The following AKNA variants were observed in gnomAD, a reference collection of about 807,000 sequenced individuals.
The protein encoded by AKNA is AT-hook transcription factor, also known as microtubule organization protein AKNA.
AKNA carries 67 observed loss-of-function variants against 138.8 expected under a neutral mutation model. The ratio of observed to expected loss-of-function variants is 0.48; its 90% CI spans 0.40 to 0.59. The LOEUF is 0.59. Among genes scored for constraint, AKNA ranks in the 20% least tolerant of loss-of-function variants. AKNA has a pLI of 0.00. For synonymous variants in AKNA, 737 were observed against 754.4 expected (o/e 0.98, Z 0.38); for missense variants, 1,813 against 1,880.4 (o/e 0.96, Z 0.66).
At chr9:114,341,383 T>C in intron 21 of AKNA, 150 bp downstream of exon 21, 3 of 967,620 alleles carry the variant, frequency 3.1e-6, no homozygotes, top group Non-Finnish European at 4.7e-6. Flanking sequence ...AGTGACTATA[T>C]GAGTGTTGGG....
At chr9:114,378,522 G>T (rs2132068408) in intron 2 of AKNA, among the ~76,000 whole-genome samples, 1 of 152,296 alleles carries the variant, frequency 6.6e-6, no homozygotes, top group East Asian at 1.9e-4. Context: ...GCCGGTACCT[G>T]ACACTATTTG....
chr9:114,349,714 G>C (rs1164561427), intron 15 of AKNA, among the ~76,000 whole-genome samples: 1 of 152,188 alleles, frequency 6.6e-6, no homozygotes, highest in Non-Finnish European at 1.5e-5. Flanking sequence ...AGGCCCTGTA[G>C]GATCTCCCAT....
downstream of AKNA, chr9:114,332,032 G>C: frequency 1.0e-6 from 1 of 960,368 alleles, no homozygotes; most frequent in East Asian, 2.5e-5. Context: ...TGCACAGCTA[G>C]GCAGATCTTC....
At chr9:114,377,754 T>A in intron 2 of AKNA, 2 of 569,270 alleles carry the variant, frequency 3.5e-6, no homozygotes, top group Non-Finnish European at 6.1e-6. Context: ...CGGTGGATGG[T>A]CCCTCCAGTG....
chr9:114,397,733 C>T (rs1044203050), upstream of AKNA, among the ~76,000 whole-genome samples: 2 of 152,198 alleles, frequency 1.3e-5, no homozygotes, highest in Admixed American at 1.3e-4. Flanking sequence ...GTCGCGCCCC[C>T]TCTCTGGACC....
At chr9:114,355,856 G>T in intron 14 of AKNA, 69 bp downstream of exon 14, 2 of 1,501,236 alleles carry the variant, frequency 1.3e-6, no homozygotes, top group Non-Finnish European at 1.8e-6. Flanking sequence ...ATCCTAAAGG[G>T]TTCTGCAAGT....
Position 114,387,933 on chromosome 9 carries a change from C to T in AKNA, c.-187G>A, listed in dbSNP as rs947815851. 2.2e-6 allele frequency: 1 copy of T among 452,360 alleles called. No homozygotes were observed. The highest frequency in any genetic ancestry group is 4.5e-6 in the Non-Finnish European group (1 of 224,398). The allele number at this position is 452,360 out of a possible 1,614,324, so 28.0% of individuals were successfully genotyped here. ...GCCTGTGAATTCTTTGTTCCAAACC[C>T]AGGGAGCCCCCTGTCTCCATTGCGC... On this transcript the variant is annotated 5_prime_UTR_variant, in exon 1 of 22. Transcript: ENST00000374088.
chr9:114,376,652 G>A lies in AKNA; in HGVS notation c.1155C>T (p.Asn385=), dbSNP rs1298128710. The change falls in exon 3 of 22, where the codon AAC becomes AAT. Residue 385 remains asparagine (N), a synonymous_variant. Coordinates refer to ENST00000374088, the MANE Select transcript of AKNA (RefSeq NM_001317950.2). The part of the protein sequence containing the change: ...SYRPPKSRSH[N]RKPQAPARPL... ...GCCTGGCAGGGGCCTGAGGCTTCCT[G>A]TTGTGGCTTCTGGACTTGGGGGGAC... is the stretch of plus-strand genomic sequence containing the variant. 6.2e-7 allele frequency: 1 copy of A among 1,614,018 alleles called. No individual in the cohort carries two copies. The highest frequency in any genetic ancestry group is 1.7e-5 in the Admixed American group (1 of 59,996).
chr9:114,332,947 T>G, downstream of AKNA: 1 of 1,394,284 alleles, frequency 7.2e-7, no homozygotes, highest in Non-Finnish European at 9.8e-7. Context: ...AGTGCCAGGG[T>G]TGGAGCCCTG....
chr9:114,331,310 A>G (rs1829847087), downstream of AKNA, among the ~76,000 whole-genome samples: 1 of 152,092 alleles, frequency 6.6e-6, no homozygotes, highest in Non-Finnish European at 1.5e-5. Context: ...TCTGGGCCTC[A>G]TTTTCCTCCT....
At chr9:114,368,273 T>A (rs778510365) in intron 5 of AKNA, 166 bp downstream of exon 5, 34 of 744,814 alleles carry the variant, frequency 4.6e-5, no homozygotes, top group Middle Eastern at 4.5e-4. Context: ...CAGGACACTT[T>A]CCACATCTCT....
At chr9:114,373,996 T>A in intron 4 of AKNA, 97 bp downstream of exon 4, 1 of 1,285,824 alleles carries the variant, frequency 7.8e-7, no homozygotes. Context: ...AGGGCCTCAG[T>A]AGATGGAGGA....
At chr9:114,373,627 G>A (rs557260328) in intron 4 of AKNA, among the ~76,000 whole-genome samples, 2 of 151,798 alleles carry the variant, frequency 1.3e-5, no homozygotes, top group Non-Finnish European at 2.9e-5. Context: ...TGTAATCCCA[G>A]CAGCACTTTG....
In AKNA at chr9:114,341,589, A is replaced by G; in HGVS notation, c.4011T>C (p.Pro1337=). The change falls in exon 21 of 22, where the codon CCT becomes CCC. Residue 1337 remains proline, a synonymous_variant. Transcript: ENST00000374088. ...YLATAPPAPA[P]PAFAYISSVP... ...CCGAGGAGATGTAGGCAAAGGCTGG[A>G]GGGGCTGGTGCTGGGGGCGCTGTTG... The G allele has an allele frequency of 6.2e-7, 1 of 1,613,942 alleles. No homozygotes were observed. Among genetic ancestry groups the G allele is most frequent in the Non-Finnish European group, 8.5e-7 (1 of 1,179,972 alleles).
At chr9:114,388,054 GC>G (rs2132140639), upstream of AKNA, 3 of 265,934 alleles carry the variant, frequency 1.1e-5, no homozygotes, top group South Asian at 8.5e-5. Context: ...GGTTGAGGCC[GC>G]CTCGCCTCGG....
chr9:114,388,212 T>C (rs984768394), upstream of AKNA: 9 of 208,576 alleles, frequency 4.3e-5, no homozygotes, highest in African/African-American at 2.1e-4. Context: ...AACAAACTCC[T>C]GACGTCCTGG....
intron 7 of AKNA, among the ~76,000 whole-genome samples, chr9:114,363,678 C>T (rs1321177809): frequency 2.6e-5 from 4 of 152,154 alleles, no homozygotes; most frequent in Non-Finnish European, 4.4e-5. Flanking sequence ...AGCATCAGGG[C>T]TGTCTACCTG....
rs372257375 is a variant in AKNA, at chr9:114,347,783, G to A, written c.3339C>T (p.Pro1113=). 3.2e-5 allele frequency: 49 copies of A among 1,548,194 alleles called. No homozygotes were observed. The highest frequency in any genetic ancestry group is 4.0e-5 in the Admixed American group (2 of 50,588). Residue 1113 remains proline (P), a synonymous_variant, in exon 16 of 22, where the codon CCC becomes CCT. Transcript: ENST00000374088. ...PTRPASAFDR[P]ARTRGRPADS... ...CTGCTGGCCGGCCGCGGGTCCGGGC[G>A]GGGCGGTCAAAGGCAGATGCTGGGC...
chr9:114,381,439 C>T lies in AKNA; in HGVS notation c.-106G>A. The T allele has an allele frequency of 7.0e-7, 1 of 1,435,820 alleles. No individual in the cohort carries two copies. The allele number at this position is 1,435,820 out of a possible 1,614,324, so 88.9% of individuals were successfully genotyped here. ...GTTCCTGTCAGCATCGGCCATCCTG[C>T]CTGTGCCCTGTCAGGGACACATTCA... On this transcript the variant is annotated 5_prime_UTR_variant, in exon 2 of 22. Transcript: ENST00000374088.
Sources: gnomAD v4.1 joint callset for allele counts (sites outside exome capture counted in the v4.1 genomes callset) on GRCh38, gnomAD v4.1.1 for gene constraint, MANE v1.5 for transcripts, NCBI Gene and HGNC (gene_info 2026-07-23, HGNC 2026-07-21) for gene names.